The following POLQ variants were observed in gnomAD, a reference collection of about 807,000 sequenced individuals.
POLQ encodes the protein DNA polymerase theta, also known as epididymis secretory sperm binding protein.
Under a neutral mutation model 259.2 loss-of-function variants are expected in POLQ, and 233 were observed. The ratio of observed to expected loss-of-function variants is 0.90; its 90% CI spans 0.81 to 1.00. The LOEUF is 1.00. POLQ is among the 50% of genes least tolerant of loss of function. The pLI is 0.00. For missense variants in POLQ, 2,871 were observed against 3,051.6 expected (o/e 0.94, Z 1.39); for synonymous variants, 1,025 against 1,048.8 (o/e 0.98, Z 0.44).
chr3:121,478,565 T>C (rs999754789), intron 19 of POLQ, among the ~76,000 whole-genome samples: 4 of 107,894 alleles, frequency 3.7e-5, no homozygotes, highest in Non-Finnish European at 5.6e-5. Flanking sequence ...CACAATAAAT[T>C]GGCAAATTTG....
intron 9 of POLQ, among the ~76,000 whole-genome samples, chr3:121,515,599 T>C (rs1009517897): frequency 7.2e-5 from 11 of 152,220 alleles, no homozygotes; most frequent in Non-Finnish European, 1.5e-4. Flanking sequence ...GCAGCCCAAC[T>C]ATCTACAGAA....
chr3:121,544,636 T>C, intron 2 of POLQ, 91 bp downstream of exon 2: 1 of 778,224 alleles, frequency 1.3e-6, no homozygotes, highest in Non-Finnish European at 2.1e-6. Context: ...ACTGCCTCAT[T>C]CACCTTTTAA....
chr3:121,544,964 G>A (rs1257520137), intron 1 of POLQ, 58 bp from the exon 2 acceptor site: 1 of 1,085,840 alleles, frequency 9.2e-7, no homozygotes, highest in South Asian at 1.6e-5. Context: ...GAGTTTTACA[G>A]TTAGCCCTTC....
rs770672385 is a variant in POLQ at position 121,488,442 on chromosome 3, C to T, written c.4489G>A (p.Asp1497Asn). The T allele has an allele frequency of 4.3e-6, 7 of 1,611,568 alleles. No homozygotes were observed. The South Asian group carries it at 6.6e-5, about 15-fold the overall frequency. The change falls in exon 16 of 30, where the codon GAC (aspartate) becomes AAC (asparagine). Residue 1497 changes from aspartate (D) to asparagine (N), a missense_variant. By Grantham distance (23) the Asp-to-Asn change is conservative. Coordinates refer to ENST00000264233, the MANE Select transcript of POLQ (RefSeq NM_199420.4). ...GGTAATTGTTCTTTTACTAGATAGT[C>T]ATCACTGAAGCTATCAAATAGTAAA... The part of the protein sequence containing the change: ...DSLLFDSFSD[D>N]YLVKEQLPDM...
rs1283960546 is a variant in POLQ at position 121,493,736 on chromosome 3, G to A, written c.2279-15C>T. 5 of 1,595,362 alleles carry A rather than the reference G, an allele frequency of 3.1e-6. No individual in the cohort carries two copies. Among genetic ancestry groups the A allele is most frequent in the Non-Finnish European group, 4.3e-6 (5 of 1,168,382 alleles). On this transcript the variant is annotated splice_polypyrimidine_tract_variant and intron_variant, in intron 14 of 29. Coordinates refer to ENST00000264233, the MANE Select transcript of POLQ (RefSeq NM_199420.4). ...TGTAATCATCCCTAGAACATTCATA[G>A]AATATTTGTTGAATTCAATTTTTTT... is the stretch of plus-strand genomic sequence containing the variant.
intron 2 of POLQ, among the ~76,000 whole-genome samples, chr3:121,542,925 T>C (rs1242650072): frequency 6.6e-6 from 1 of 151,906 alleles, no homozygotes; most frequent in Non-Finnish European, 1.5e-5. Context: ...AGGCAGAGGT[T>C]GCAGTGAGCT....
chr3:121,456,581 C>T (rs1006950415), intron 25 of POLQ, among the ~76,000 whole-genome samples: 3 of 151,974 alleles, frequency 2.0e-5, no homozygotes, highest in East Asian at 1.9e-4. Flanking sequence ...CATTCTTATA[C>T]ACCAATAACA....
At position 121,489,979 on chromosome 3, in the gene POLQ, G is replaced by A. The variant is rs751661630; in HGVS notation, c.2952C>T (p.Ser984=). The change falls in exon 16 of 30, where the codon TCC becomes TCT. Residue 984 remains serine, a synonymous_variant. Transcript: ENST00000264233. ...QNGNQEHQTC[S]IFRARKRASL... is the part of the protein sequence containing the mutation. ...AGGCCCGTTTTCTTGCTCTGAAAAT[G>A]GAACATGTCTGATGTTCTTGATTCC... 59 of 1,581,160 alleles carry A rather than the reference G, an allele frequency of 3.7e-5. 1 individual carries two copies. The highest frequency in any genetic ancestry group is 4.4e-5 in the Non-Finnish European group (51 of 1,170,854).
chr3:121,454,919 T>C (rs904011773), intron 25 of POLQ, among the ~76,000 whole-genome samples: 6 of 152,040 alleles, frequency 3.9e-5, no homozygotes, highest in African/African-American at 9.7e-5. Context: ...CCCAAATCAA[T>C]AGAATATACA....
chr3:121,544,142 A>C (rs1240865140), intron 2 of POLQ, among the ~76,000 whole-genome samples: 1 of 152,162 alleles, frequency 6.6e-6, no homozygotes, highest in Non-Finnish European at 1.5e-5. Context: ...ATCACTTGTC[A>C]GAAGCTCAAG....
chr3:121,456,964 A>C lies in POLQ; in HGVS notation c.7152+3086T>G, dbSNP rs970847111. Among the ~76,000 whole-genome samples the C allele has an allele frequency of 3.1e-3, 467 of 152,194 alleles. 3 individuals carry two copies. Among genetic ancestry groups the C allele is most frequent in the African/African-American group, 0.011 (438 of 41,542 alleles). Reference sequence around the variant, plus strand: ...AAAAAGAACAAAGCTGGAGGCATCAAGCTACCTGACTTCAAACTATACTAC... The same window carrying C: ...AAAAAGAACAAAGCTGGAGGCATCACGCTACCTGACTTCAAACTATACTAC... On this transcript the variant is annotated intron_variant, in intron 25 of 29. Transcript: ENST00000264233.
At chr3:121,528,920 C>A (rs2048391344) in intron 7 of POLQ, among the ~76,000 whole-genome samples, 1 of 152,058 alleles carries the variant, frequency 6.6e-6, no homozygotes, top group South Asian at 2.1e-4. Flanking sequence ...CCATTGTATT[C>A]CAGCCTAAGC....
At chr3:121,445,512 T>G (rs758680982) in intron 26 of POLQ, among the ~76,000 whole-genome samples, 1 of 152,188 alleles carries the variant, frequency 6.6e-6, no homozygotes, top group Non-Finnish European at 1.5e-5. Context: ...TATTTGGATC[T>G]TCTCCTTTTT....
chr3:121,525,886 C>T (rs1034770933), intron 7 of POLQ, among the ~76,000 whole-genome samples: 2 of 152,148 alleles, frequency 1.3e-5, no homozygotes, highest in African/African-American at 4.8e-5. Flanking sequence ...AAACCCTTTA[C>T]CTCCACCTTT....
Position 121,544,890 on chromosome 3 carries a change from T to C in POLQ, c.180A>G (p.Thr60=), listed in dbSNP as rs909455125. The C allele has an allele frequency of 3.9e-5, 62 of 1,599,604 alleles. No homozygotes were observed. In the Admixed American group the frequency reaches 8.2e-4, roughly 21 times the overall value. ...KAAAAGECKP[T]VPDYERDKLL... ...GCTTGTCTCTTTCGTAGTCAGGAAC[T>C]GTAGGCTTGCATTCTCCTTTTAGGA... The change falls in exon 2 of 30, where the codon ACA becomes ACG. Residue 60 remains threonine (T), a synonymous_variant. Coordinates refer to ENST00000264233, the MANE Select transcript of POLQ (RefSeq NM_199420.4).
chr3:121,442,087 C>T (rs940152144), intron 26 of POLQ, among the ~76,000 whole-genome samples: 1 of 152,162 alleles, frequency 6.6e-6, no homozygotes, highest in Non-Finnish European at 1.5e-5. Context: ...GGATATACAT[C>T]CTTTGTTCGA....
intron 25 of POLQ, among the ~76,000 whole-genome samples, chr3:121,449,635 A>G (rs551623774): frequency 1.3e-5 from 2 of 152,320 alleles, no homozygotes; most frequent in South Asian, 4.1e-4. Flanking sequence ...GAGAGACAGA[A>G]GGGCAGGAGG....
chr3:121,462,816 T>C (rs1479209816), intron 24 of POLQ, among the ~76,000 whole-genome samples: 1 of 152,194 alleles, frequency 6.6e-6, no homozygotes, highest in Non-Finnish European at 1.5e-5. Flanking sequence ...GAGTGCAGGC[T>C]ACTCTAAACA....
intron 12 of POLQ, among the ~76,000 whole-genome samples, chr3:121,508,972 A>T (rs562210417): frequency 1.3e-5 from 1 of 76,856 alleles, no homozygotes; most frequent in African/African-American, 4.3e-5. Context: ...ATATAAACAA[A>T]CTTAAAATTC....
Sources: gnomAD v4.1 joint callset for allele counts (sites outside exome capture counted in the v4.1 genomes callset) on GRCh38, gnomAD v4.1.1 for gene constraint, MANE v1.5 for transcripts, NCBI Gene and HGNC (gene_info 2026-07-23, HGNC 2026-07-21) for gene names.